Variants in DHX35 observed in about 807,000 individuals in gnomAD.
The protein encoded by DHX35 is DEAH-box helicase 35.
Under a neutral mutation model 99.6 loss-of-function variants are expected in DHX35, and 84 were observed. The ratio of observed to expected loss-of-function variants is 0.84; its 90% CI spans 0.71 to 1.01. The LOEUF (loss-of-function observed/expected upper bound fraction) is 1.01. DHX35 is among the 50% of genes least tolerant of loss of function. The pLI, the probability that DHX35 is intolerant of heterozygous loss-of-function variation, is 0.00. For missense variants in DHX35, 852 were observed against 888.5 expected, an observed-to-expected ratio of 0.96 and a Z score of 0.52; for synonymous variants, 331 against 316.2, an observed-to-expected ratio of 1.05 and a Z score of -0.50.
At chr20:38,994,958 C>G (rs760757910) in intron 8 of DHX35, 78 bp downstream of exon 8, 12 of 1,271,376 alleles carry the variant, frequency 9.4e-6, no homozygotes, top group African/African-American at 1.5e-5. Flanking sequence ...TTACCTCTAG[C>G]AAGAGCTTAT....
chr20:39,002,457 G>A (rs1018477034), intron 9 of DHX35, among the ~76,000 whole-genome samples: 23 of 152,226 alleles, frequency 1.5e-4, no homozygotes, highest in Middle Eastern at 6.3e-3. Context: ...GTGGGCTTCA[G>A]CACTGGGACC....
At position 39,023,646 on chromosome 20, in the gene DHX35, C is replaced by T. The variant is rs774242644; in HGVS notation, c.1594-44C>T. On this transcript the variant is annotated intron_variant, in intron 16 of 21. Coordinates refer to ENST00000252011, the MANE Select transcript of DHX35 (RefSeq NM_021931.4). ...GGGATTATAGGTGTGAGCCACCACA[C>T]CCAGCAAAGAGTGAAATTCTGAATG... 5.7e-6 allele frequency: 9 copies of T among 1,582,926 alleles called. No individual in the cohort carries two copies. In the East Asian group the frequency reaches 1.3e-4, roughly 24 times the overall value.
chr20:38,992,678 A>G (rs1392035707), intron 7 of DHX35, among the ~76,000 whole-genome samples: 2 of 151,930 alleles, frequency 1.3e-5, no homozygotes, highest in African/African-American at 2.4e-5. Context: ...GATTGATTGA[A>G]TTATATATAC....
At chr20:38,973,678 G>A (rs12479672) in intron 3 of DHX35, among the ~76,000 whole-genome samples, 35 of 152,192 alleles carry the variant, frequency 2.3e-4, no homozygotes, top group Non-Finnish European at 1.3e-4. Context: ...AGCAGGGTTC[G>A]GCAAGTCACA....
In DHX35 at chr20:39,007,282, C is replaced by T. The variant is rs542107154; in HGVS notation, c.1222+926C>T. ...CAGAGCACCTGCTGTATGCTGGCCA[C>T]GGTGCTAGAGCTTGGAGATCTGGGG... On this transcript the variant is annotated intron_variant, in intron 12 of 21. Coordinates refer to ENST00000252011, the MANE Select transcript of DHX35 (RefSeq NM_021931.4). Among the ~76,000 whole-genome samples, 33 of 152,246 alleles carry T rather than the reference C, an allele frequency of 2.2e-4. No individual in the cohort carries two copies. In the South Asian group the frequency reaches 4.8e-3, roughly 22 times the overall value.
chr20:38,978,117 C>CA (rs1291625503), intron 3 of DHX35: 3 of 773,674 alleles, frequency 3.9e-6, no homozygotes, highest in Non-Finnish European at 7.1e-6. Context: ...AGCCACACTT[C>CA]AACTGTAAGA....
At chr20:39,030,852 T>TAGAGGCGA in intron 20 of DHX35, 77 bp downstream of exon 20, 1 of 1,498,262 alleles carries the variant, frequency 6.7e-7, no homozygotes, top group Non-Finnish European at 9.3e-7. Context: ...TACATGTTTC[T>TAGAGGCGA]TGACATCGCC....
At chr20:39,028,271 G>A (rs1312885253) in intron 18 of DHX35, 147 bp from the exon 19 acceptor site, 1 of 744,170 alleles carries the variant, frequency 1.3e-6, no homozygotes, top group African/African-American at 1.7e-5. Context: ...CATTGGGAAG[G>A]GTAGGGCTGG....
chr20:39,019,887 T>A (rs886847660), intron 15 of DHX35, among the ~76,000 whole-genome samples: 2 of 152,224 alleles, frequency 1.3e-5, no homozygotes, highest in Non-Finnish European at 2.9e-5. Flanking sequence ...ATTCACCCCC[T>A]GACCCAGGGG....
intron 14 of DHX35, among the ~76,000 whole-genome samples, chr20:39,018,343 G>A (rs1280692033): frequency 6.6e-6 from 1 of 152,070 alleles, no homozygotes; most frequent in Non-Finnish European, 1.5e-5. Context: ...TTGGGGGCCG[G>A]GAGCTGGCGA....
chr20:39,013,041 A>T (rs1403552496), intron 13 of DHX35, among the ~76,000 whole-genome samples: 2 of 152,244 alleles, frequency 1.3e-5, no homozygotes, highest in African/African-American at 4.8e-5. Flanking sequence ...AAAAAAGCTT[A>T]CATATGTGAT....
chr20:39,021,215 G>A (rs1363480979), intron 15 of DHX35, among the ~76,000 whole-genome samples: 2 of 152,224 alleles, frequency 1.3e-5, no homozygotes, highest in African/African-American at 2.4e-5. Flanking sequence ...CAGAGAAACA[G>A]CAGAAGGGGC....
At chr20:39,020,063 T>C (rs2086848772) in intron 15 of DHX35, among the ~76,000 whole-genome samples, 2 of 152,238 alleles carry the variant, frequency 1.3e-5, no homozygotes, top group African/African-American at 4.8e-5. Flanking sequence ...TGAATGACAG[T>C]GTTCTCTTCT....
At chr20:38,997,266 TCA>T (rs1273783683) in intron 8 of DHX35, among the ~76,000 whole-genome samples, 1 of 152,074 alleles carries the variant, frequency 6.6e-6, no homozygotes, top group East Asian at 1.9e-4. Flanking sequence ...AGATGGGGTC[TCA>T]TCATGTTGGC....
Position 39,014,937 on chromosome 20 carries a change from A to G in DHX35, c.1402+3A>G, listed in dbSNP as rs1188908709. 6.2e-7 allele frequency: 1 copy of G among 1,614,114 alleles called. No individual in the cohort carries two copies. On this transcript the variant is annotated splice_donor_region_variant and intron_variant, in intron 14 of 21. Transcript: ENST00000252011. ...GGAGTTACTGTATGCTCTGGGAGGT[A>G]TGCCAGTTTCTCTCATCATTCTCTC... is the stretch of plus-strand genomic sequence containing the variant.
intron 3 of DHX35, among the ~76,000 whole-genome samples, chr20:38,975,529 G>C (rs953694859): frequency 6.6e-6 from 1 of 152,144 alleles, no homozygotes; most frequent in Non-Finnish European, 1.5e-5. Flanking sequence ...ACACTGTAGA[G>C]AGTAATGAGG....
intron 1 of DHX35, among the ~76,000 whole-genome samples, chr20:38,965,757 A>T (rs1007032464): frequency 1.3e-5 from 2 of 152,174 alleles, no homozygotes; most frequent in Non-Finnish European, 2.9e-5. Flanking sequence ...CTACCTTAGG[A>T]GTGTGACTTA....
At chr20:38,993,317 A>G (rs1401381966) in intron 7 of DHX35, among the ~76,000 whole-genome samples, 3 of 152,196 alleles carry the variant, frequency 2.0e-5, no homozygotes, top group African/African-American at 7.2e-5. Flanking sequence ...AAGTAAAAAA[A>G]TTCAGGTTCT....
chr20:38,991,874 ATCTG>A (rs1276834105), intron 6 of DHX35, among the ~76,000 whole-genome samples: 3 of 152,086 alleles, frequency 2.0e-5, no homozygotes, highest in Non-Finnish European at 4.4e-5. Context: ...CTCTTTGTCT[ATCTG>A]TCTGTCACTC....
Sources: allele counts gnomAD v4.1 joint callset (sites outside exome capture counted in the v4.1 genomes callset), GRCh38; gene constraint gnomAD v4.1.1; transcripts MANE v1.5; gene names NCBI Gene and HGNC (gene_info 2026-07-23, HGNC 2026-07-21).